KIFAP3: variants seen among roughly 807,000 people sequenced by gnomAD.
The protein encoded by KIFAP3 is kinesin-associated protein 3.
A neutral mutation model predicts 106.5 loss-of-function variants in KIFAP3; 68 were observed. The observed-to-expected ratio is 0.64, with a 90% CI of 0.53 to 0.78. The LOEUF is 0.78. Among genes scored for constraint, KIFAP3 ranks in the 30% least tolerant of loss-of-function variants. KIFAP3 has a pLI of 0.00. For missense variants in KIFAP3, 780 were observed against 941.8 expected, an observed-to-expected ratio of 0.83 and a Z score of 2.25; for synonymous variants, 320 against 311.5, an observed-to-expected ratio of 1.03 and a Z score of -0.29.
rs1010794165 is a variant in KIFAP3, at chr1:170,034,512, T to G, written c.618-16A>C. 7.5e-7 allele frequency: 1 copy of G among 1,326,172 alleles called. No homozygotes were observed. The highest frequency in any genetic ancestry group is 1.0e-6 in the Non-Finnish European group (1 of 963,664). 82.2% of individuals were successfully genotyped at this position (1,326,172 alleles called of 1,614,324 possible). A position where few individuals can be genotyped will look rare whatever the true frequency, so the allele number is the denominator to read the frequency against. ...TTGAGAAAAGCTTTAAAGAAGACAT[T>G]TTAATATATATTTAAAAGAATACAT... On this transcript the variant is annotated splice_polypyrimidine_tract_variant and intron_variant, in intron 6 of 19. Transcript: ENST00000361580.
In KIFAP3 at chr1:169,987,691, T is replaced by G. The variant is rs148675054; in HGVS notation, c.1285-3001A>C. Among the ~76,000 whole-genome samples the G allele has an allele frequency of 4.4e-3, 674 of 152,060 alleles. 1 individual carries two copies. Among genetic ancestry groups the G allele is most frequent in the Non-Finnish European group, 7.6e-3 (514 of 67,948 alleles). On this transcript the variant is annotated intron_variant, in intron 11 of 19. Coordinates refer to ENST00000361580, the MANE Select transcript of KIFAP3 (RefSeq NM_014970.4). ...ATCAAAGGGGGCCATATAGGACAAC[T>G]GTGGTGGAAAACATGTGGATCACTA... is the stretch of plus-strand genomic sequence containing the variant.
At chr1:170,074,792 C>A, upstream of KIFAP3, 1 of 1,195,976 alleles carries the variant, frequency 8.4e-7, no homozygotes, top group Non-Finnish European at 1.1e-6. Context: ...CACCGGGGAG[C>A]CGAGCAGGGA....
rs1468206934 is a variant in KIFAP3 at position 170,018,524 on chromosome 1, T to A, written c.1021-1900A>T. ...GGCAAAAAAAGAAATTTGAAAAAAATTTATGATTTTTCAATCAAAGGATTA... is the reference window on the plus strand; with the variant it reads ...GGCAAAAAAAGAAATTTGAAAAAAAATTATGATTTTTCAATCAAAGGATTA... On this transcript the variant is annotated intron_variant, in intron 9 of 19. Coordinates refer to ENST00000361580, the MANE Select transcript of KIFAP3 (RefSeq NM_014970.4). 3.3e-5 allele frequency among the ~76,000 whole-genome samples: 5 copies of A among 149,562 alleles called. No homozygotes were observed. In the South Asian group the frequency reaches 8.4e-4, roughly 25 times the overall value.
chr1:170,062,400 C>G (rs1671226939), intron 1 of KIFAP3, among the ~76,000 whole-genome samples: 1 of 151,050 alleles, frequency 6.6e-6, no homozygotes, highest in African/African-American at 2.4e-5. Context: ...TTAAAAAAAA[C>G]AGACCCAAAG....
chr1:169,996,130 G>A (rs2101945250), intron 10 of KIFAP3, among the ~76,000 whole-genome samples: 1 of 152,172 alleles, frequency 6.6e-6, no homozygotes, highest in South Asian at 2.1e-4. Flanking sequence ...TCATTTTGCA[G>A]CCAGTCCTAA....
At chr1:170,001,614 G>A (rs1213247153) in intron 10 of KIFAP3, among the ~76,000 whole-genome samples, 2 of 152,104 alleles carry the variant, frequency 1.3e-5, no homozygotes, top group Non-Finnish European at 2.9e-5. Context: ...TATTAAAATT[G>A]AGAAACAGTG....
At chr1:169,948,991 T>C (rs548008140) in intron 19 of KIFAP3, among the ~76,000 whole-genome samples, 13 of 151,552 alleles carry the variant, frequency 8.6e-5, no homozygotes, top group African/African-American at 2.9e-4. Flanking sequence ...CAAATAAGTC[T>C]AATTTTTTTA....
In KIFAP3 at chr1:170,016,055, C is replaced by T. The variant is rs919825524; in HGVS notation, c.1183+407G>A. ...AAATATACCCTTTTTAACTTAGTAA[C>T]AAAAAGTTTCCACAAATTAGCTCAT... On this transcript the variant is annotated intron_variant, in intron 10 of 19. Coordinates refer to ENST00000361580, the MANE Select transcript of KIFAP3 (RefSeq NM_014970.4). Among the ~76,000 whole-genome samples, 7 of 151,868 alleles carry T rather than the reference C, an allele frequency of 4.6e-5. No individual in the cohort carries two copies. The South Asian group carries it at 1.2e-3, about 27-fold the overall frequency.
At chr1:169,967,713 TGAA>T (rs1665698569) in intron 17 of KIFAP3, among the ~76,000 whole-genome samples, 1 of 151,894 alleles carries the variant, frequency 6.6e-6, no homozygotes, top group Admixed American at 6.6e-5. Context: ...ATAAAGCTGT[TGAA>T]ATAACTATCC....
At chr1:170,046,302 A>G (rs887214553) in intron 3 of KIFAP3, among the ~76,000 whole-genome samples, 1 of 151,688 alleles carries the variant, frequency 6.6e-6, no homozygotes, top group Admixed American at 6.6e-5. Flanking sequence ...ATATATTTTA[A>G]CACTTACATA....
intron 9 of KIFAP3, among the ~76,000 whole-genome samples, chr1:170,020,771 G>C (rs926965151): frequency 3.9e-5 from 6 of 152,172 alleles, no homozygotes; most frequent in Non-Finnish European, 7.3e-5. Flanking sequence ...TCAACAAATA[G>C]TGCTGGAACA....
chr1:170,036,389 A>T (rs1019060841), intron 5 of KIFAP3, among the ~76,000 whole-genome samples: 1 of 152,122 alleles, frequency 6.6e-6, no homozygotes, highest in African/African-American at 2.4e-5. Flanking sequence ...CTGGCTATTC[A>T]GACTATGAAC....
At chr1:169,951,779 A>G (rs913526780) in intron 19 of KIFAP3, among the ~76,000 whole-genome samples, 2 of 151,950 alleles carry the variant, frequency 1.3e-5, no homozygotes, top group African/African-American at 4.8e-5. Context: ...TAAGTAATGC[A>G]TGATTTATAG....
rs758904741 is a variant in KIFAP3, at chr1:170,016,444, A to C, written c.1183+18T>G. 6.3e-7 allele frequency: 1 copy of C among 1,580,032 alleles called. No individual in the cohort carries two copies. The highest frequency in any genetic ancestry group is 2.3e-5 in the East Asian group (1 of 42,742). ...GGAAATTCCAGACAACACTGTCATT[A>C]ATTTCTAAAAAGCATACCTAGGAGT... On this transcript the variant is annotated intron_variant, in intron 10 of 19. Transcript: ENST00000361580.
At chr1:169,939,023 G>T (rs1343061243) in intron 19 of KIFAP3, among the ~76,000 whole-genome samples, 1 of 152,160 alleles carries the variant, frequency 6.6e-6, no homozygotes, top group Non-Finnish European at 1.5e-5. Flanking sequence ...AACATGGTAA[G>T]AAATTTGTAT....
At chr1:170,055,576 T>C in intron 1 of KIFAP3, 140 bp from the exon 2 acceptor site, 1 of 553,066 alleles carries the variant, frequency 1.8e-6, no homozygotes, top group Non-Finnish European at 3.1e-6. Flanking sequence ...GGATTAGAGA[T>C]AACTCTTTTT....
At chr1:170,014,487 C>T (rs949579206) in intron 10 of KIFAP3, among the ~76,000 whole-genome samples, 4 of 152,252 alleles carry the variant, frequency 2.6e-5, no homozygotes, top group Middle Eastern at 3.4e-3. Context: ...ATAAATATCA[C>T]CCTATGAAAA....
intron 9 of KIFAP3, among the ~76,000 whole-genome samples, chr1:170,017,457 T>G (rs1571672482): frequency 6.6e-6 from 1 of 151,510 alleles, no homozygotes; most frequent in East Asian, 1.9e-4. Context: ...AGAAAGGCAA[T>G]GGCAATACAA....
chr1:170,030,988 T>C (rs1194055688), intron 8 of KIFAP3, among the ~76,000 whole-genome samples: 2 of 151,860 alleles, frequency 1.3e-5, no homozygotes, highest in Non-Finnish European at 3.0e-5. Flanking sequence ...TAAGAGAGTA[T>C]ACAATATTTG....
Sources: gnomAD v4.1 joint callset for allele counts (sites outside exome capture counted in the v4.1 genomes callset) on GRCh38, gnomAD v4.1.1 for gene constraint, MANE v1.5 for transcripts, NCBI Gene and HGNC (gene_info 2026-07-23, HGNC 2026-07-21) for gene names.